The following SSBP2 variants were observed in gnomAD, a reference collection of about 807,000 sequenced individuals.
SSBP2 encodes the protein single stranded DNA binding protein 2.
SSBP2 carries 17 observed loss-of-function variants against 61.8 expected under a neutral mutation model. That is an observed-to-expected ratio of 0.28 (90% confidence interval 0.19 to 0.41). The LOEUF is 0.41. Among genes scored for constraint, SSBP2 ranks in the 10% least tolerant of loss-of-function variants. The pLI, the probability that SSBP2 is intolerant of heterozygous loss-of-function variation, is 1.00. For missense variants in SSBP2, 310 were observed against 458.7 expected (o/e 0.68, Z 2.96); for synonymous variants, 139 against 141.3 (o/e 0.98, Z 0.12).
At chr5:81,583,892 T>G (rs1017231840) in intron 4 of SSBP2, among the ~76,000 whole-genome samples, 8 of 152,216 alleles carry the variant, frequency 5.3e-5, no homozygotes, top group African/African-American at 1.9e-4. Flanking sequence ...TCATCAAATG[T>G]AGTTTTCCAA....
rs1237890115 is a variant in SSBP2 at position 81,417,515 on chromosome 5, A to G, written c.*2989T>C. On this transcript the variant is annotated 3_prime_UTR_variant, in exon 17 of 17. Transcript: ENST00000320672. ...AAGAATTGCTGATATTATTACTGTG[A>G]GATGACGTGTAAAAATAACACTAGG... 6.6e-6 allele frequency: 1 copy of G among 152,220 alleles called. No homozygotes were observed. The highest frequency in any genetic ancestry group is 2.4e-5 in the African/African-American group (1 of 41,444). The allele number at this position is 152,220 out of a possible 1,614,324, so 9.4% of individuals were successfully genotyped here.
At chr5:81,482,734 AG>A (rs1766088895) in intron 6 of SSBP2, among the ~76,000 whole-genome samples, 1 of 152,184 alleles carries the variant, frequency 6.6e-6, no homozygotes. Flanking sequence ...ATCAGCAATA[AG>A]GCTGTTTTGC....
chr5:81,705,662 C>T (rs1018732021), intron 1 of SSBP2, among the ~76,000 whole-genome samples: 28 of 152,172 alleles, frequency 1.8e-4, no homozygotes, highest in African/African-American at 6.8e-4. Flanking sequence ...TCAAGTCCTT[C>T]CTTTAGCTCC....
At chr5:81,439,605 G>A (rs919700455) in intron 14 of SSBP2, among the ~76,000 whole-genome samples, 4 of 148,680 alleles carry the variant, frequency 2.7e-5, no homozygotes, top group South Asian at 2.1e-4. Flanking sequence ...GGGTTCAAAC[G>A]ATTCTCTGCC....
At chr5:81,549,771 A>G (rs1772031639) in intron 4 of SSBP2, among the ~76,000 whole-genome samples, 1 of 152,178 alleles carries the variant, frequency 6.6e-6, no homozygotes, top group Non-Finnish European at 1.5e-5. Context: ...TTTAATATAT[A>G]CAATTTGCTA....
chr5:81,559,319 G>A (rs575779751), intron 4 of SSBP2, among the ~76,000 whole-genome samples: 10 of 151,450 alleles, frequency 6.6e-5, no homozygotes, highest in South Asian at 2.1e-4. Context: ...CCCGGGAAGC[G>A]GAGGTTGCAG....
chr5:81,521,903 A>C (rs1769517467), intron 4 of SSBP2, among the ~76,000 whole-genome samples: 1 of 151,998 alleles, frequency 6.6e-6, no homozygotes, highest in South Asian at 2.1e-4. Context: ...AAATATGCTT[A>C]AGAATCTTGC....
In SSBP2 at chr5:81,692,645, G is replaced by A. The variant is rs144544584; in HGVS notation, c.63-42306C>T. Among the ~76,000 whole-genome samples, 341 of 152,172 alleles carry A rather than the reference G, an allele frequency of 2.2e-3. 3 individuals carry two copies. Among genetic ancestry groups the A allele is most frequent in the Middle Eastern group, 0.014 (4 of 294 alleles). On this transcript the variant is annotated intron_variant, in intron 1 of 16. Coordinates refer to ENST00000320672, the MANE Select transcript of SSBP2 (RefSeq NM_012446.5). ...TAGTAACCCAAACAGCATGGTACTG[G>A]CATAAAAACAGACACACAGACCAAT...
chr5:81,431,863 C>T (rs1270176208), intron 15 of SSBP2, among the ~76,000 whole-genome samples: 3 of 152,150 alleles, frequency 2.0e-5, no homozygotes, highest in East Asian at 3.8e-4. Flanking sequence ...TAGGATTACA[C>T]GTGTGGACCA....
rs1437114315 is a variant in SSBP2 at position 81,420,251 on chromosome 5, C to T, written c.*253G>A. The T allele has an allele frequency of 1.9e-6, 1 of 532,132 alleles. No individual in the cohort carries two copies. The highest frequency in any genetic ancestry group is 2.6e-5 in the South Asian group (1 of 39,130). 33.0% of individuals were successfully genotyped at this position (532,132 alleles called of 1,614,324 possible). A position where few individuals can be genotyped will look rare whatever the true frequency, so the allele number is the denominator to read the frequency against. On this transcript the variant is annotated 3_prime_UTR_variant, in exon 17 of 17. Coordinates refer to ENST00000320672, the MANE Select transcript of SSBP2 (RefSeq NM_012446.5). ...TATACAGTACATTCTCTTTCCCACACATATACATACACACATAATTATTTG... is the reference window on the plus strand; with the variant it reads ...TATACAGTACATTCTCTTTCCCACATATATACATACACACATAATTATTTG...
intron 1 of SSBP2, among the ~76,000 whole-genome samples, chr5:81,671,203 T>C (rs1236549199): frequency 6.6e-6 from 1 of 152,138 alleles, no homozygotes; most frequent in Non-Finnish European, 1.5e-5. Flanking sequence ...AGGATAGAAA[T>C]GTATGGTAAT....
chr5:81,712,362 AAGGCCGAGGCGGGTG>A, intron 1 of SSBP2, among the ~76,000 whole-genome samples: 1 of 49,492 alleles, frequency 2.0e-5, no homozygotes, highest in African/African-American at 9.0e-5. Context: ...TAAAGATTAC[AAGGCCGAGGCGGGTG>A]GATCATGAGG....
chr5:81,530,800 G>A (rs1420708247), intron 4 of SSBP2, among the ~76,000 whole-genome samples: 1 of 152,040 alleles, frequency 6.6e-6, no homozygotes, highest in East Asian at 1.9e-4. Flanking sequence ...TGTTATAAAT[G>A]CATTCACTGA....
At position 81,557,500 on chromosome 5, in the gene SSBP2, C is replaced by G. The variant is rs80135441; in HGVS notation, c.283-43783G>C. Among the ~76,000 whole-genome samples the G allele has an allele frequency of 8.8e-3, 1,343 of 152,210 alleles. 30 individuals carry two copies. The highest frequency in any genetic ancestry group is 0.031 in the African/African-American group (1,278 of 41,542). On this transcript the variant is annotated intron_variant, in intron 4 of 16. Transcript: ENST00000320672. The stretch of plus-strand genomic sequence containing the variant: ...AAGTATATTAGGCTTTTTGAGGATA[C>G]CCCAGAGCTCACTACTGCTCTACTC...
chr5:81,625,165 T>G (rs1309310116), intron 3 of SSBP2, among the ~76,000 whole-genome samples: 1 of 152,194 alleles, frequency 6.6e-6, no homozygotes, highest in African/African-American at 2.4e-5. Context: ...AAATGTAGAC[T>G]TATCTCCTAG....
chr5:81,644,765 G>A (rs1455074932), intron 2 of SSBP2, among the ~76,000 whole-genome samples: 3 of 152,100 alleles, frequency 2.0e-5, no homozygotes, highest in African/African-American at 7.2e-5. Context: ...CTCAACAAGA[G>A]CAAGAACCTA....
At chr5:81,559,156 G>C (rs1227346147) in intron 4 of SSBP2, among the ~76,000 whole-genome samples, 2 of 152,058 alleles carry the variant, frequency 1.3e-5, no homozygotes, top group Non-Finnish European at 1.5e-5. Flanking sequence ...GAGAGGCCAA[G>C]GCAGGTGGAT....
At chr5:81,688,778 CAA>C (rs1753002387) in intron 1 of SSBP2, among the ~76,000 whole-genome samples, 1 of 152,040 alleles carries the variant, frequency 6.6e-6, no homozygotes, top group Non-Finnish European at 1.5e-5. Flanking sequence ...GCCCAAATTG[CAA>C]AGATTACAAT....
intron 10 of SSBP2, among the ~76,000 whole-genome samples, chr5:81,456,348 G>T (rs1580730944): frequency 2.2e-5 from 3 of 135,914 alleles, no homozygotes; most frequent in African/African-American, 2.6e-5. Context: ...AACTATTTCT[G>T]CCTTTTTTTT....
Sources: gnomAD v4.1 joint callset for allele counts (sites outside exome capture counted in the v4.1 genomes callset) on GRCh38, gnomAD v4.1.1 for gene constraint, MANE v1.5 for transcripts, NCBI Gene and HGNC (gene_info 2026-07-23, HGNC 2026-07-21) for gene names.